MACROD2: variants seen among roughly 807,000 people sequenced by gnomAD.
MACROD2 encodes mono-ADP ribosylhydrolase 2.
In MACROD2, 36 loss-of-function variants were observed where a neutral mutation model predicts 70.4. The observed-to-expected ratio is 0.51, with a 90% CI of 0.39 to 0.68. The LOEUF is 0.68. Ranked by LOEUF, MACROD2 falls within the 30% of genes least tolerant of loss-of-function variation. MACROD2 has a pLI of 0.00. For synonymous variants in MACROD2, 172 were observed against 178.8 expected, an observed-to-expected ratio of 0.96 and a Z score of 0.30; for missense variants, 496 against 538.4, an observed-to-expected ratio of 0.92 and a Z score of 0.78.
intron 8 of MACROD2, among the ~76,000 whole-genome samples, chr20:15,581,917 T>C (rs2048530091): frequency 6.6e-6 from 1 of 151,112 alleles, no homozygotes; most frequent in Non-Finnish European, 1.5e-5. Flanking sequence ...AGCGTAGGAG[T>C]TTAAGACCAG....
chr20:14,212,927 C>A (rs933646066), intron 3 of MACROD2, among the ~76,000 whole-genome samples: 1 of 151,444 alleles, frequency 6.6e-6, no homozygotes, highest in Non-Finnish European at 1.5e-5. Flanking sequence ...CATGGATGGA[C>A]CAGAACCTCC....
chr20:15,094,886 A>T lies in MACROD2; in HGVS notation c.419-135054A>T, dbSNP rs1451098085. 2.0e-5 allele frequency among the ~76,000 whole-genome samples: 3 copies of T among 152,100 alleles called. No homozygotes were observed. In the East Asian group the frequency reaches 5.8e-4, roughly 29 times the overall value. On this transcript the variant is annotated intron_variant, in intron 5 of 17. Transcript: ENST00000684519. ...GGGACATCAATGAGAGATCTATAAC[A>T]GGAAAGATTATAGGCCTGGGAGGGA...
At chr20:15,396,875 G>A (rs1450023456) in intron 6 of MACROD2, among the ~76,000 whole-genome samples, 1 of 152,154 alleles carries the variant, frequency 6.6e-6, no homozygotes, top group Non-Finnish European at 1.5e-5. Flanking sequence ...TCACTGGGTG[G>A]TTGAGTCTTC....
chr20:15,338,968 G>T (rs943959217), intron 6 of MACROD2, among the ~76,000 whole-genome samples: 3 of 151,820 alleles, frequency 2.0e-5, no homozygotes, highest in African/African-American at 7.3e-5. Context: ...TCATTTGGCA[G>T]CCACTGAAGC....
At chr20:15,219,722 G>T (rs548351397) in intron 5 of MACROD2, among the ~76,000 whole-genome samples, 1 of 152,068 alleles carries the variant, frequency 6.6e-6, no homozygotes, top group African/African-American at 2.4e-5. Flanking sequence ...AATCAGATCC[G>T]CTTTATTTTG....
intron 5 of MACROD2, among the ~76,000 whole-genome samples, chr20:15,033,097 T>A (rs1156582401): frequency 6.6e-6 from 1 of 152,138 alleles, no homozygotes; most frequent in African/African-American, 2.4e-5. Flanking sequence ...TATTGTTTAA[T>A]AGGTACAGAG....
intron 5 of MACROD2, among the ~76,000 whole-genome samples, chr20:15,181,431 T>A (rs912878471): frequency 1.3e-5 from 2 of 152,190 alleles, no homozygotes; most frequent in Non-Finnish European, 2.9e-5. Flanking sequence ...TTACTCTGGA[T>A]TAATATTGTC....
At chr20:15,712,462 A>G (rs370615472) in intron 8 of MACROD2, among the ~76,000 whole-genome samples, 2 of 152,082 alleles carry the variant, frequency 1.3e-5, no homozygotes, top group Admixed American at 1.3e-4. Context: ...CACCACTACT[A>G]ATTTTTACTG....
chr20:15,544,781 G>A (rs2048004861), intron 8 of MACROD2, among the ~76,000 whole-genome samples: 1 of 152,226 alleles, frequency 6.6e-6, no homozygotes, highest in Non-Finnish European at 1.5e-5. Context: ...CTATCTGGAA[G>A]TGAAAAAGTC....
intron 5 of MACROD2, among the ~76,000 whole-genome samples, chr20:15,019,179 GGA>G (rs1456788864): frequency 6.6e-6 from 1 of 151,624 alleles, no homozygotes; most frequent in African/African-American, 2.4e-5. Context: ...GCGCGCGCGC[GGA>G]GAGAGTTTTC....
chr20:14,319,744 C>A (rs560407039), intron 3 of MACROD2, among the ~76,000 whole-genome samples: 8 of 152,146 alleles, frequency 5.3e-5, no homozygotes, highest in Middle Eastern at 3.4e-3. Context: ...ATAATATTTT[C>A]TTTCTGTGAT....
intron 6 of MACROD2, among the ~76,000 whole-genome samples, chr20:15,352,552 G>A (rs1454793336): frequency 1.3e-5 from 2 of 152,050 alleles, no homozygotes; most frequent in African/African-American, 4.8e-5. Context: ...GAAATGCATA[G>A]TAATACAGCA....
intron 7 of MACROD2, among the ~76,000 whole-genome samples, chr20:15,464,350 T>C (rs1468263072): frequency 6.6e-6 from 1 of 152,190 alleles, no homozygotes; most frequent in Non-Finnish European, 1.5e-5. Flanking sequence ...GAAAGACAAG[T>C]CATTCCCTGA....
chr20:15,740,618 C>G (rs1486286018), intron 8 of MACROD2, among the ~76,000 whole-genome samples: 1 of 152,106 alleles, frequency 6.6e-6, no homozygotes, highest in Non-Finnish European at 1.5e-5. Context: ...AACTGCCACT[C>G]TATTTGCCAT....
intron 8 of MACROD2, among the ~76,000 whole-genome samples, chr20:15,544,365 T>G (rs2047999533): frequency 1.3e-5 from 2 of 152,234 alleles, no homozygotes; most frequent in Non-Finnish European, 2.9e-5. Flanking sequence ...GTAGCAAGAA[T>G]TTTTCTCAAT....
At chr20:16,032,409 T>TA (rs1176165515) in intron 15 of MACROD2, among the ~76,000 whole-genome samples, 2 of 152,118 alleles carry the variant, frequency 1.3e-5, no homozygotes, top group Non-Finnish European at 2.9e-5. Flanking sequence ...AACTTGACAT[T>TA]AAAAAATTAT....
intron 8 of MACROD2, among the ~76,000 whole-genome samples, chr20:15,521,556 T>C (rs2047653280): frequency 6.6e-6 from 1 of 152,200 alleles, no homozygotes; most frequent in African/African-American, 2.4e-5. Flanking sequence ...GAGTTTCTGG[T>C]GGATATTCAT....
chr20:15,522,169 G>A (rs573525506), intron 8 of MACROD2, among the ~76,000 whole-genome samples: 67 of 152,238 alleles, frequency 4.4e-4, no homozygotes, highest in Middle Eastern at 3.4e-3. Context: ...GGTCTCAGCC[G>A]CCAACTCTGT....
intron 8 of MACROD2, among the ~76,000 whole-genome samples, chr20:15,734,954 G>GTGTT (rs529238312): frequency 3.0e-3 from 450 of 152,090 alleles, no homozygotes; most frequent in Admixed American, 4.3e-3. Flanking sequence ...CTTGAGTTTT[G>GTGTT]TGTTTGTTTG....
Sources: allele counts gnomAD v4.1 joint callset (sites outside exome capture counted in the v4.1 genomes callset), GRCh38; gene constraint gnomAD v4.1.1; transcripts MANE v1.5; gene names NCBI Gene and HGNC (gene_info 2026-07-23, HGNC 2026-07-21).